The following AK5 variants were observed in gnomAD, a reference collection of about 807,000 sequenced individuals.
AK5 encodes adenylate kinase isoenzyme 5.
In AK5, 27 loss-of-function variants were observed where a neutral mutation model predicts 69.5. The ratio of observed to expected loss-of-function variants is 0.39; its 90% CI spans 0.29 to 0.54. AK5 has a LOEUF of 0.54. Among genes scored for constraint, AK5 ranks in the 20% least tolerant of loss-of-function variants. The pLI, the probability that AK5 is intolerant of heterozygous loss-of-function variation, is 0.71. For synonymous variants in AK5, 260 were observed against 244.4 expected, an observed-to-expected ratio of 1.06 and a Z score of -0.60; for missense variants, 531 against 700.4, an observed-to-expected ratio of 0.76 and a Z score of 2.73.
intron 13 of AK5, among the ~76,000 whole-genome samples, chr1:77,543,166 T>C (rs540641585): frequency 6.6e-6 from 1 of 152,294 alleles, no homozygotes; most frequent in East Asian, 1.9e-4. Context: ...AGTGAGAAGT[T>C]TCTGCAGTTT....
intron 5 of AK5, chr1:77,314,569 A>AT (rs1660140685): frequency 6.6e-6 from 1 of 152,376 alleles, no homozygotes; most frequent in South Asian, 2.1e-4. Flanking sequence ...TTCAATACAT[A>AT]TAGTGTATGG....
Position 77,451,345 on chromosome 1 carries a change from A to G in AK5, c.1060-31972A>G, listed in dbSNP as rs1402858601. 2.0e-5 allele frequency among the ~76,000 whole-genome samples: 3 copies of G among 152,204 alleles called. No homozygotes were observed. The South Asian group carries it at 6.2e-4, about 32-fold the overall frequency. ...TCAGATTTTGCATTTAATAATATAGAATTTCCCATGTCATCAAATAATTTT... is the reference window on the plus strand; with the variant it reads ...TCAGATTTTGCATTTAATAATATAGGATTTCCCATGTCATCAAATAATTTT... On this transcript the variant is annotated intron_variant, in intron 8 of 13. Coordinates refer to ENST00000354567, the MANE Select transcript of AK5 (RefSeq NM_174858.3).
At chr1:77,488,705 G>C (rs935154833) in intron 10 of AK5, among the ~76,000 whole-genome samples, 15 of 152,286 alleles carry the variant, frequency 9.8e-5, no homozygotes. Flanking sequence ...AAACATGCAG[G>C]CTGAGAGGGT....
In AK5 at chr1:77,493,224, A is replaced by G. The variant is rs74090621; in HGVS notation, c.1147+6872A>G. ...CACCAGTGTGGGTGGGCACCATCCA[A>G]TCTGTTCTGGCTCAGCTAGAACAAA... On this transcript the variant is annotated intron_variant, in intron 10 of 13. Coordinates refer to ENST00000354567, the MANE Select transcript of AK5 (RefSeq NM_174858.3). Among the ~76,000 whole-genome samples the G allele has an allele frequency of 2.0e-3, 306 of 152,206 alleles. 1 individual carries two copies. Among genetic ancestry groups the G allele is most frequent in the African/African-American group, 6.5e-3 (272 of 41,536 alleles).
At chr1:77,422,904 G>A (rs1650912254) in intron 8 of AK5, among the ~76,000 whole-genome samples, 1 of 152,086 alleles carries the variant, frequency 6.6e-6, no homozygotes, top group Non-Finnish European at 1.5e-5. Flanking sequence ...CGAGAAAATG[G>A]TGGTGACAAC....
intron 6 of AK5, among the ~76,000 whole-genome samples, chr1:77,363,806 A>T (rs1646905730): frequency 6.6e-6 from 1 of 152,042 alleles, no homozygotes; most frequent in Non-Finnish European, 1.5e-5. Flanking sequence ...ATCTTCCTTG[A>T]CCCACTATTA....
At chr1:77,374,173 A>G (rs1647180725) in intron 6 of AK5, among the ~76,000 whole-genome samples, 1 of 152,212 alleles carries the variant, frequency 6.6e-6, no homozygotes, top group South Asian at 2.1e-4. Context: ...ATTAAGTTTT[A>G]GCCTCTTAAT....
At chr1:77,532,996 G>A (rs1228242052) in intron 12 of AK5, among the ~76,000 whole-genome samples, 1 of 152,082 alleles carries the variant, frequency 6.6e-6, no homozygotes. Flanking sequence ...AAAATTAGAT[G>A]GTATCTCATT....
intron 8 of AK5, among the ~76,000 whole-genome samples, chr1:77,439,630 A>AT (rs1316371821): frequency 6.6e-6 from 1 of 152,082 alleles, no homozygotes; most frequent in Non-Finnish European, 1.5e-5. Context: ...TAGCCCTTGC[A>AT]TATGAGTCAG....
At chr1:77,519,325 C>G (rs1313063817) in intron 11 of AK5, among the ~76,000 whole-genome samples, 1 of 152,156 alleles carries the variant, frequency 6.6e-6, no homozygotes, top group South Asian at 2.1e-4. Context: ...TCTGATTTCT[C>G]TATAACCAGC....
At chr1:77,283,652 A>T in intron 1 of AK5, 2 of 977,384 alleles carry the variant, frequency 2.0e-6, no homozygotes, top group African/African-American at 3.5e-5. Flanking sequence ...TGTGAAGCCC[A>T]AATCTAGCAA....
intron 12 of AK5, among the ~76,000 whole-genome samples, chr1:77,534,513 G>A (rs1363522971): frequency 6.6e-6 from 1 of 152,196 alleles, no homozygotes; most frequent in Non-Finnish European, 1.5e-5. Context: ...GTGAGTGTCT[G>A]CTGTATGCCA....
chr1:77,532,950 G>A (rs1658731612), intron 12 of AK5, among the ~76,000 whole-genome samples: 1 of 152,098 alleles, frequency 6.6e-6, no homozygotes, highest in African/African-American at 2.4e-5. Context: ...CTACTCCAAG[G>A]GACTTTCTAA....
In AK5 at chr1:77,375,987, T is replaced by C. The variant is rs552370341; in HGVS notation, c.892-34994T>C. On this transcript the variant is annotated intron_variant, in intron 6 of 13. Coordinates refer to ENST00000354567, the MANE Select transcript of AK5 (RefSeq NM_174858.3). Reference sequence around the variant, plus strand: ...AACTGAGAGAATGAAGGTACAAATGTATTGTAAACTATCAAGACCTCGTTA... The same window carrying C: ...AACTGAGAGAATGAAGGTACAAATGCATTGTAAACTATCAAGACCTCGTTA... Among the ~76,000 whole-genome samples, 3 of 152,340 alleles carry C rather than the reference T, an allele frequency of 2.0e-5. No homozygotes were observed. In the South Asian group the frequency reaches 6.2e-4, roughly 32 times the overall value.
At chr1:77,306,494 G>GTTTTTTTTTTTTTTTTTTTTTTTTTTTT (rs869202567) in intron 5 of AK5, among the ~76,000 whole-genome samples, 1 of 120,366 alleles carries the variant, frequency 8.3e-6, no homozygotes, top group African/African-American at 3.1e-5. Flanking sequence ...GTTTTTTTTT[G>GTTTTTTTTTTTTTTTTTTTTTTTTTTTT]TTTTTTTTTT....
chr1:77,529,334 G>GTTTTTTTTTTTTTTTTTTTTT (rs935476152), intron 12 of AK5, among the ~76,000 whole-genome samples: 1 of 138,032 alleles, frequency 7.2e-6, no homozygotes, highest in African/African-American at 2.7e-5. Flanking sequence ...CGTTTTATAG[G>GTTTTTTTTTTTTTTTTTTTTT]TTTTTTTTTT....
chr1:77,439,879 C>A (rs1355414526), intron 8 of AK5, among the ~76,000 whole-genome samples: 1 of 149,372 alleles, frequency 6.7e-6, no homozygotes, highest in Non-Finnish European at 1.5e-5. Context: ...CAGGTTGATT[C>A]CATATCTTTG....
In AK5 at chr1:77,444,953, C is replaced by G. The variant is rs149826014; in HGVS notation, c.1059+27238C>G. 2.0e-5 allele frequency among the ~76,000 whole-genome samples: 3 copies of G among 152,126 alleles called. 1 individual carries two copies. The highest frequency in any genetic ancestry group is 1.3e-4 in the Admixed American group (2 of 15,282). On this transcript the variant is annotated intron_variant, in intron 8 of 13. Coordinates refer to ENST00000354567, the MANE Select transcript of AK5 (RefSeq NM_174858.3). ...ATATTTTTCTGTGTCTGGCTTATTT[C>G]ACTTAGCAGAATGTCCTCCAGATCC...
chr1:77,320,587 A>G (rs1292603042), intron 5 of AK5, among the ~76,000 whole-genome samples: 1 of 152,062 alleles, frequency 6.6e-6, no homozygotes, highest in Non-Finnish European at 1.5e-5. Flanking sequence ...CATCTCTACT[A>G]AAAATACAAA....
Sources: gnomAD v4.1 joint callset for allele counts (sites outside exome capture counted in the v4.1 genomes callset) on GRCh38, gnomAD v4.1.1 for gene constraint, MANE v1.5 for transcripts, NCBI Gene and HGNC (gene_info 2026-07-23, HGNC 2026-07-21) for gene names.